The following SDK2 variants were observed in gnomAD, a reference collection of about 807,000 sequenced individuals.
SDK2 encodes protein sidekick-2.
Under a neutral mutation model 253.9 loss-of-function variants are expected in SDK2, and 105 were observed. The ratio of observed to expected loss-of-function variants is 0.41; its 90% CI spans 0.35 to 0.49. The LOEUF (loss-of-function observed/expected upper bound fraction) is 0.49, where lower values mean the gene tolerates loss of function less well. SDK2 is among the 20% of genes least tolerant of loss of function. SDK2 has a pLI of 0.06. For missense variants in SDK2, 2,608 were observed against 3,003.0 expected (o/e 0.87, Z 3.07); for synonymous variants, 1,249 against 1,234.9 (o/e 1.01, Z -0.24).
At chr17:73,450,788 T>C (rs2063485396) in intron 4 of SDK2, among the ~76,000 whole-genome samples, 1 of 152,162 alleles carries the variant, frequency 6.6e-6, no homozygotes, top group African/African-American at 2.4e-5. Flanking sequence ...CCACTAACAA[T>C]AGGGGTCAAG....
rs905613882 is a variant in SDK2 at position 73,335,588 on chromosome 17, C to G, written c.*2999G>C. On this transcript the variant is annotated 3_prime_UTR_variant, in exon 45 of 45. Transcript: ENST00000392650. ...AATCTAGAGTTCCACAGCTGCAGGCCTGGGCTTCCAGCTGTGGCTGGGGCT... is the reference window on the plus strand; with the variant it reads ...AATCTAGAGTTCCACAGCTGCAGGCGTGGGCTTCCAGCTGTGGCTGGGGCT... 2.6e-5 allele frequency: 4 copies of G among 152,286 alleles called. No individual in the cohort carries two copies. Among genetic ancestry groups the G allele is most frequent in the African/African-American group, 9.6e-5 (4 of 41,456 alleles). The allele number at this position is 152,286 out of a possible 1,614,324, so 9.4% of individuals were successfully genotyped here. A position where few individuals can be genotyped will look rare whatever the true frequency, so the allele number is the denominator to read the frequency against.
intron 1 of SDK2, among the ~76,000 whole-genome samples, chr17:73,624,815 G>A (rs567410801): frequency 2.0e-5 from 3 of 152,156 alleles, no homozygotes; most frequent in East Asian, 1.9e-4. Flanking sequence ...AAGGGTGGCC[G>A]TGGTGATGTT....
chr17:73,409,817 T>C (rs1200711744), intron 18 of SDK2, among the ~76,000 whole-genome samples: 1 of 132,852 alleles, frequency 7.5e-6, no homozygotes, highest in Non-Finnish European at 1.6e-5. Flanking sequence ...AAATAATACA[T>C]TCTCTCTCTC....
chr17:73,441,254 G>C (rs191111531), intron 5 of SDK2, among the ~76,000 whole-genome samples: 1 of 137,298 alleles, frequency 7.3e-6, no homozygotes, highest in Non-Finnish European at 1.5e-5. Flanking sequence ...CCCTCTGCCC[G>C]GGTTGACCTT....
At chr17:73,459,042 A>G (rs559893729) in intron 3 of SDK2, among the ~76,000 whole-genome samples, 1 of 152,134 alleles carries the variant, frequency 6.6e-6, no homozygotes, top group African/African-American at 2.4e-5. Context: ...AACAGACAAA[A>G]AAACTCCCCT....
At chr17:73,388,749 C>CCTCCTTCCTTCCTTCCCTCCCT (rs2062895743) in intron 29 of SDK2, among the ~76,000 whole-genome samples, 1 of 93,406 alleles carries the variant, frequency 1.1e-5, no homozygotes, top group Non-Finnish European at 2.7e-5. Flanking sequence ...TCCTTCCCTC[C>CCTCCTTCCTTCCTTCCCTCCCT]CTCCTTCCTT....
At chr17:73,598,512 G>C (rs192683226) in intron 1 of SDK2, among the ~76,000 whole-genome samples, 1 of 152,134 alleles carries the variant, frequency 6.6e-6, no homozygotes, top group African/African-American at 2.4e-5. Context: ...CCCTCTGCCC[G>C]GCTCTCGTTC....
intron 1 of SDK2, among the ~76,000 whole-genome samples, chr17:73,543,244 A>ATGTGAGGACTCCAGAAG (rs2044898583): frequency 6.6e-6 from 1 of 151,664 alleles, no homozygotes; most frequent in Admixed American, 6.6e-5. Context: ...GGAGGAGGAG[A>ATGTGAGGACTCCAGAAG]GGCTGGAGTG....
intron 33 of SDK2, among the ~76,000 whole-genome samples, chr17:73,382,218 CAAAAAA>C (rs34453546): frequency 7.9e-6 from 1 of 126,716 alleles, no homozygotes; most frequent in Non-Finnish European, 1.6e-5. Context: ...AACTCCATTT[CAAAAAA>C]AAAAAAAAAA....
chr17:73,479,489 T>C (rs1445122959), intron 2 of SDK2, among the ~76,000 whole-genome samples: 5 of 152,212 alleles, frequency 3.3e-5, no homozygotes, highest in Admixed American at 3.3e-4. Flanking sequence ...GATTTGCTTT[T>C]GCAAAGATTC....
At chr17:73,638,224 T>C (rs950725118) in intron 1 of SDK2, among the ~76,000 whole-genome samples, 1 of 152,178 alleles carries the variant, frequency 6.6e-6, no homozygotes, top group Non-Finnish European at 1.5e-5. Context: ...TAAGCATTCA[T>C]TCATTCATTC....
At chr17:73,559,884 A>C (rs1417020402) in intron 1 of SDK2, among the ~76,000 whole-genome samples, 2 of 152,216 alleles carry the variant, frequency 1.3e-5, no homozygotes, top group African/African-American at 4.8e-5. Context: ...TGATCCCCCC[A>C]GGGCTGGGCA....
At chr17:73,389,183 CTT>C (rs61085516) in intron 29 of SDK2, among the ~76,000 whole-genome samples, 28,207 of 97,048 alleles carry the variant, frequency 0.29, 3,020 homozygotes, top group East Asian at 0.49. Flanking sequence ...ATATTCCTTT[CTT>C]TTTTTTTTTT....
At chr17:73,389,668 C>T (rs2062910603) in intron 29 of SDK2, among the ~76,000 whole-genome samples, 2 of 152,200 alleles carry the variant, frequency 1.3e-5, no homozygotes, top group African/African-American at 4.8e-5. Flanking sequence ...CAGGCTGCAG[C>T]CCTGATCCTG....
intron 1 of SDK2, among the ~76,000 whole-genome samples, chr17:73,537,118 T>C (rs1257436218): frequency 2.0e-5 from 3 of 152,130 alleles, no homozygotes; most frequent in Non-Finnish European, 2.9e-5. Flanking sequence ...CGTGCGTGCG[T>C]GTGCGGGCGC....
chr17:73,571,218 G>T (rs66725276), intron 1 of SDK2, among the ~76,000 whole-genome samples: 40,673 of 151,894 alleles, frequency 0.27, 5,527 homozygotes, highest in South Asian at 0.35. Context: ...ACAGGCGTGA[G>T]CCACCATGCC....
At chr17:73,346,155 G>C (rs1364603821) in intron 44 of SDK2, among the ~76,000 whole-genome samples, 1 of 151,278 alleles carries the variant, frequency 6.6e-6, no homozygotes, top group Non-Finnish European at 1.5e-5. Context: ...GCAGTGAGCT[G>C]AGATCGCGCA....
At chr17:73,350,617 T>C in intron 42 of SDK2, 33 bp downstream of exon 42, 1 of 1,596,248 alleles carries the variant, frequency 6.3e-7, no homozygotes, top group Non-Finnish European at 8.5e-7. Context: ...AAAACTCAAG[T>C]CCAGCCAGCA....
chr17:73,569,161 C>T (rs1366092644), intron 1 of SDK2, among the ~76,000 whole-genome samples: 5 of 151,818 alleles, frequency 3.3e-5, no homozygotes. Flanking sequence ...GGGTTGAAAG[C>T]CTAGTTCCAA....
Sources: allele counts gnomAD v4.1 joint callset (sites outside exome capture counted in the v4.1 genomes callset), GRCh38; gene constraint gnomAD v4.1.1; transcripts MANE v1.5; gene names NCBI Gene and HGNC (gene_info 2026-07-23, HGNC 2026-07-21).